SLC44A5: variants seen among roughly 807,000 people sequenced by gnomAD.
SLC44A5 encodes solute carrier family 44 member 5, also known as choline transporter-like protein 5.
SLC44A5 carries 57 observed loss-of-function variants against 101.8 expected under a neutral mutation model. The observed-to-expected ratio is 0.56, with a 90% confidence interval of 0.45 to 0.70. The LOEUF is 0.70. SLC44A5 is among the 30% of genes least tolerant of loss of function. The probability of loss-of-function intolerance (pLI) is 0.00; values close to 1 mark genes in which losing one functional copy is unlikely to be tolerated. For missense variants in SLC44A5, 737 were observed against 853.1 expected, an observed-to-expected ratio of 0.86 and a Z score of 1.70; for synonymous variants, 281 against 290.9, an observed-to-expected ratio of 0.97 and a Z score of 0.35.
intron 2 of SLC44A5, among the ~76,000 whole-genome samples, chr1:75,496,105 C>G (rs1432378940): frequency 6.6e-6 from 1 of 151,810 alleles, no homozygotes; most frequent in Non-Finnish European, 1.5e-5. Context: ...AAATGAAATC[C>G]TAAAATTTGT....
At chr1:75,279,703 C>T (rs1237136802) in intron 5 of SLC44A5, among the ~76,000 whole-genome samples, 1 of 151,994 alleles carries the variant, frequency 6.6e-6, no homozygotes, top group Non-Finnish European at 1.5e-5. Context: ...TATCCCCAAA[C>T]AGTTTCCTTT....
At chr1:75,411,246 G>A (rs1663260735) in intron 2 of SLC44A5, among the ~76,000 whole-genome samples, 1 of 152,096 alleles carries the variant, frequency 6.6e-6, no homozygotes, top group African/African-American at 2.4e-5. Context: ...TGAGAAGGAA[G>A]AAAGGGGTCT....
chr1:75,565,935 A>T (rs1291274835), intron 1 of SLC44A5, among the ~76,000 whole-genome samples: 1 of 152,210 alleles, frequency 6.6e-6, no homozygotes, highest in Non-Finnish European at 1.5e-5. Flanking sequence ...AAACTTATTA[A>T]TATTGAAGGT....
intron 3 of SLC44A5, among the ~76,000 whole-genome samples, chr1:75,372,244 C>A (rs997182620): frequency 6.6e-6 from 1 of 151,278 alleles, no homozygotes; most frequent in Non-Finnish European, 1.5e-5. Flanking sequence ...GAGCTTTTTC[C>A]CAGTGAGTCA....
the SLC44A5 span, among the ~76,000 whole-genome samples, chr1:75,701,939 C>A: frequency 6.6e-6 from 1 of 152,082 alleles, no homozygotes; most frequent in Admixed American, 6.6e-5. Context: ...ACCTAGGAAT[C>A]CAACCTACAA....
At chr1:75,704,493 G>T in the SLC44A5 span, among the ~76,000 whole-genome samples, 1 of 151,926 alleles carries the variant, frequency 6.6e-6, no homozygotes, top group Non-Finnish European at 1.5e-5. Context: ...GGTTAGTTTG[G>T]GTTTCTTTAT....
At chr1:75,471,379 GA>G (rs1450248749) in intron 2 of SLC44A5, among the ~76,000 whole-genome samples, 2 of 71,114 alleles carry the variant, frequency 2.8e-5, no homozygotes, top group Non-Finnish European at 2.9e-5. Flanking sequence ...TTGTGTGCAT[GA>G]AAACACACAC....
At chr1:75,630,063 C>A in the SLC44A5 span, among the ~76,000 whole-genome samples, 13 of 152,284 alleles carry the variant, frequency 8.5e-5, no homozygotes, top group African/African-American at 3.1e-4. Context: ...CCCCAATTTG[C>A]TAGTCATTGT....
chr1:75,707,035 C>T, the SLC44A5 span, among the ~76,000 whole-genome samples: 1 of 152,152 alleles, frequency 6.6e-6, no homozygotes, highest in Non-Finnish European at 1.5e-5. Context: ...GATATACTTA[C>T]AAATTTTGGT....
chr1:75,467,406 A>T (rs1341378716), intron 2 of SLC44A5, among the ~76,000 whole-genome samples: 1 of 152,192 alleles, frequency 6.6e-6, no homozygotes, highest in Non-Finnish European at 1.5e-5. Flanking sequence ...AAATTGAAGA[A>T]ATCAAATTAC....
intron 5 of SLC44A5, among the ~76,000 whole-genome samples, chr1:75,297,713 T>C (rs1044669743): frequency 6.6e-6 from 1 of 152,218 alleles, no homozygotes; most frequent in Non-Finnish European, 1.5e-5. Context: ...AGTACAATAA[T>C]TGAATAGTAA....
intron 3 of SLC44A5, among the ~76,000 whole-genome samples, chr1:75,377,279 G>A (rs1225150538): frequency 9.2e-5 from 11 of 119,178 alleles, no homozygotes; most frequent in East Asian, 2.5e-4. Context: ...GATTAAGGGC[G>A]GTGCAAGATG....
At chr1:75,509,026 A>C (rs1669422529) in intron 2 of SLC44A5, among the ~76,000 whole-genome samples, 1 of 152,252 alleles carries the variant, frequency 6.6e-6, no homozygotes, top group Non-Finnish European at 1.5e-5. Context: ...CAGTGAAAGT[A>C]CATGGAATTT....
chr1:75,525,289 A>T (rs1230516084), intron 2 of SLC44A5, among the ~76,000 whole-genome samples: 1 of 152,200 alleles, frequency 6.6e-6, no homozygotes, highest in African/African-American at 2.4e-5. Flanking sequence ...ATTTAACATC[A>T]TTTTAGTGAA....
At chr1:75,494,337 G>T (rs1668565792) in intron 2 of SLC44A5, among the ~76,000 whole-genome samples, 1 of 152,092 alleles carries the variant, frequency 6.6e-6, no homozygotes, top group African/African-American at 2.4e-5. Context: ...CTCCTCCAAT[G>T]ATAAAATCAA....
rs936299924 is a variant in SLC44A5, at chr1:75,215,048, A to G, written c.1729-370T>C. Among the ~76,000 whole-genome samples the G allele has an allele frequency of 2.0e-5, 3 of 152,180 alleles. No homozygotes were observed. In the South Asian group the frequency reaches 6.2e-4, roughly 31 times the overall value. On this transcript the variant is annotated intron_variant, in intron 19 of 23. Transcript: ENST00000370859. ...GTCTCTACATAAAAAATTACTCTTAAGGAAACCCAATACCTTTCACTAAAT... is the reference window on the plus strand; with the variant it reads ...GTCTCTACATAAAAAATTACTCTTAGGGAAACCCAATACCTTTCACTAAAT...
At chr1:75,222,210 C>T (rs1647100120) in intron 14 of SLC44A5, 151 bp downstream of exon 14, 1 of 595,442 alleles carries the variant, frequency 1.7e-6, no homozygotes, top group East Asian at 2.9e-5. Flanking sequence ...CCTGCCTCGG[C>T]CTCCCAAAGT....
intron 4 of SLC44A5, among the ~76,000 whole-genome samples, chr1:75,310,638 C>T (rs6593571): frequency 0.53 from 80,425 of 152,052 alleles, 22,134 homozygotes; most frequent in East Asian, 0.85. Context: ...TAAACAATTA[C>T]AAAAAATAAG....
chr1:75,258,180 A>G (rs1429950727), intron 6 of SLC44A5, among the ~76,000 whole-genome samples: 1 of 152,046 alleles, frequency 6.6e-6, no homozygotes, highest in Non-Finnish European at 1.5e-5. Flanking sequence ...CTGGAATGCC[A>G]GTGAGACAGA....
Sources: allele counts gnomAD v4.1 joint callset (sites outside exome capture counted in the v4.1 genomes callset), GRCh38; gene constraint gnomAD v4.1.1; transcripts MANE v1.5; gene names NCBI Gene and HGNC (gene_info 2026-07-23, HGNC 2026-07-21).